The following CCDC106 variants were observed in gnomAD, a reference collection of about 807,000 sequenced individuals.
CCDC106 encodes coiled-coil domain containing 106, also known as coiled-coil domain-containing protein 106.
In CCDC106, 17 loss-of-function variants were observed where a neutral mutation model predicts 24.7. That is an observed-to-expected ratio of 0.69 (90% confidence interval 0.47 to 1.03). The LOEUF (loss-of-function observed/expected upper bound fraction) is 1.03, where lower values mean the gene tolerates loss of function less well. Ranked by LOEUF, CCDC106 falls within the 50% of genes least tolerant of loss-of-function variation. The pLI, the probability that CCDC106 is intolerant of heterozygous loss-of-function variation, is 0.00. For synonymous variants in CCDC106, 211 were observed against 161.3 expected (o/e 1.31, Z -2.34); for missense variants, 337 against 388.9 (o/e 0.87, Z 1.12).
intron 3 of CCDC106, among the ~76,000 whole-genome samples, chr19:55,649,924 G>A (rs1307331163): frequency 6.6e-6 from 1 of 152,082 alleles, no homozygotes; most frequent in African/African-American, 2.4e-5. Flanking sequence ...ACTCCTAGGG[G>A]GACCTTCCTT....
chr19:55,649,357 CCCTGAGTCCCAGGGTG>C, intron 2 of CCDC106, 35 bp from the exon 3 acceptor site: 1 of 1,612,718 alleles, frequency 6.2e-7, no homozygotes, highest in Non-Finnish European at 8.5e-7. Flanking sequence ...GGAAGCCAAG[CCCTGAGTCCCAGGGTG>C]TGACCTGGTC....
Position 55,651,513 on chromosome 19 carries a change from G to A in CCDC106, c.526+18G>A, listed in dbSNP as rs1405703052. 1 of 1,522,860 alleles carries A rather than the reference G, an allele frequency of 6.6e-7. No homozygotes were observed. The highest frequency in any genetic ancestry group is 1.3e-5 in the South Asian group (1 of 79,874). 94.3% of individuals were successfully genotyped at this position (1,522,860 alleles called of 1,614,324 possible). A position where few individuals can be genotyped will look rare whatever the true frequency, so the allele number is the denominator to read the frequency against. The stretch of plus-strand genomic sequence containing the variant: ...GCAGCGAGGTGAGTGGGGTGCATGG[G>A]GCGGGCGCTGAGGGGCCCGGGCTGC... On this transcript the variant is annotated intron_variant, in intron 4 of 4. Coordinates refer to ENST00000586790, the MANE Select transcript of CCDC106 (RefSeq NM_001370470.1).
Position 55,651,474 on chromosome 19 carries a change from A to G in CCDC106, c.505A>G (p.Lys169Glu). The G allele has an allele frequency of 6.3e-7, 1 of 1,587,112 alleles. No individual in the cohort carries two copies. Among genetic ancestry groups the G allele is most frequent in the Non-Finnish European group, 8.6e-7 (1 of 1,167,880 alleles). The change falls in exon 4 of 5, where the codon AAG (lysine) becomes GAG (glutamate). Residue 169 changes from lysine (K) to glutamate (E), a missense_variant. Lys to Glu is a moderately conservative substitution (Grantham distance 56). This residue lies in a region of CCDC106 where 234 missense variants were observed against 236.5 expected (regional missense o/e 0.99). Transcript: ENST00000586790. ...TAGTCGGAGGCGCTTTGGGAAGCCC[A>G]AGGCCCGGGAGAGGCAGCGAGGTGA... ...GASRRRFGKP[K>E]ARERQRVKDA...
Position 55,651,473 on chromosome 19 carries a change from C to A in CCDC106, c.504C>A (p.Pro168=), listed in dbSNP as rs1414237659. Residue 168 remains proline, a synonymous_variant, in exon 4 of 5, where the codon CCC becomes CCA. Coordinates refer to ENST00000586790, the MANE Select transcript of CCDC106 (RefSeq NM_001370470.1). The part of the protein sequence containing the change: ...GGASRRRFGK[P]KARERQRVKD... Reference sequence around the variant, plus strand: ...CTAGTCGGAGGCGCTTTGGGAAGCCCAAGGCCCGGGAGAGGCAGCGAGGTG... The same window carrying A: ...CTAGTCGGAGGCGCTTTGGGAAGCCAAAGGCCCGGGAGAGGCAGCGAGGTG... 11 of 1,588,036 alleles carry A rather than the reference C, an allele frequency of 6.9e-6. No individual in the cohort carries two copies. Among genetic ancestry groups the A allele is most frequent in the African/African-American group, 1.3e-5 (1 of 74,626 alleles).
chr19:55,650,838 G>A (rs1983205693), intron 3 of CCDC106, among the ~76,000 whole-genome samples: 1 of 152,150 alleles, frequency 6.6e-6, no homozygotes, highest in East Asian at 1.9e-4. Flanking sequence ...CCTCTGTCTA[G>A]ATGGAGGTGG....
Position 55,652,299 on chromosome 19 carries a change from T to A in CCDC106, c.527-131T>A. ...CCCCTTCCTTGCCTGTTGTTCTCCG[T>A]CTCCACCTGCACCGGCCCGTGCCTC... On this transcript the variant is annotated intron_variant, in intron 4 of 4. Coordinates refer to ENST00000586790, the MANE Select transcript of CCDC106 (RefSeq NM_001370470.1). The surrounding 1 kb of genome is among the most constrained non-coding windows in gnomAD (Gnocchi z 5.9). 1.4e-6 allele frequency: 1 copy of A among 723,270 alleles called. No individual in the cohort carries two copies. The highest frequency in any genetic ancestry group is 2.8e-5 in the Admixed American group (1 of 35,284). 44.8% of individuals were successfully genotyped at this position (723,270 alleles called of 1,614,324 possible). A position where few individuals can be genotyped will look rare whatever the true frequency, so the allele number is the denominator to read the frequency against.
In CCDC106 at chr19:55,652,409, G is replaced by C. The variant is rs564748925; in HGVS notation, c.527-21G>C. 6.4e-7 allele frequency: 1 copy of C among 1,570,578 alleles called. No homozygotes were observed. Among genetic ancestry groups the C allele is most frequent in the East Asian group, 2.3e-5 (1 of 44,094 alleles). ...CTTGTGCCCTGCCCCTCACTTTCGT[G>C]TCCCCGCCTCCACCCCTCAGTGAAG... On this transcript the variant is annotated intron_variant, in intron 4 of 4. Transcript: ENST00000586790. This position sits in a 1 kb window ranked among gnomAD's most constrained non-coding sequence, Gnocchi z 5.9.
rs774347285 is a variant in CCDC106 at position 55,652,390 on chromosome 19, C to G, written c.527-40C>G. On this transcript the variant is annotated intron_variant, in intron 4 of 4. Coordinates refer to ENST00000586790, the MANE Select transcript of CCDC106 (RefSeq NM_001370470.1). The surrounding 1 kb of genome is among the most constrained non-coding windows in gnomAD (Gnocchi z 5.9). The stretch of plus-strand genomic sequence containing the variant: ...CCGTGTCCGCCCCCTCAGTCTTGTG[C>G]CCTGCCCCTCACTTTCGTGTCCCCG... The G allele has an allele frequency of 2.6e-6, 4 of 1,540,406 alleles. No homozygotes were observed. In the African/African-American group the frequency reaches 4.1e-5, roughly 16 times the overall value.
rs1983040856 is a variant in CCDC106, at chr19:55,648,853, G to T, written c.-194G>T. The T allele has an allele frequency of 1.5e-6, 1 of 653,744 alleles. No individual in the cohort carries two copies. 40.5% of individuals were successfully genotyped at this position (653,744 alleles called of 1,614,324 possible). A position where few individuals can be genotyped will look rare whatever the true frequency, so the allele number is the denominator to read the frequency against. Reference sequence around the variant, plus strand: ...GCCCAGGAGTTTGAAGCCCAGGCGCGTTTTGCCTCAGTCCTGGGGTCCAGG... The same window carrying T: ...GCCCAGGAGTTTGAAGCCCAGGCGCTTTTTGCCTCAGTCCTGGGGTCCAGG... On this transcript the variant is annotated 5_prime_UTR_variant, in exon 1 of 5. Transcript: ENST00000586790.
intron 2 of CCDC106, 28 bp from the exon 3 acceptor site, chr19:55,649,380 G>T (rs1253321131): frequency 2.5e-6 from 4 of 1,613,310 alleles, no homozygotes; most frequent in Non-Finnish European, 3.4e-6. Context: ...GGTGTGACCT[G>T]GTCCCCCCAC....
chr19:55,651,204 A>T (rs965251893), intron 3 of CCDC106, 79 bp from the exon 4 acceptor site: 6 of 1,107,490 alleles, frequency 5.4e-6, no homozygotes, highest in Non-Finnish European at 8.3e-6. Flanking sequence ...CAGTTCGGGG[A>T]CTGCAGCCTC....
upstream of CCDC106, among the ~76,000 whole-genome samples, chr19:55,647,624 T>A (rs980008449): frequency 1.3e-5 from 2 of 152,210 alleles, no homozygotes; most frequent in African/African-American, 4.8e-5. Flanking sequence ...GACTGGAATC[T>A]AGCTTTGCTC....
In CCDC106 at chr19:55,648,583, C is replaced by T. The variant is rs1418606585; in HGVS notation, c.-464C>T. Reference sequence around the variant, plus strand: ...AGGCAGCGCGCACGGGCTGGACCTCCTCCTACCCTGGGAAGTTGGGGCAGT... The same window carrying T: ...AGGCAGCGCGCACGGGCTGGACCTCTTCCTACCCTGGGAAGTTGGGGCAGT... On this transcript the variant is annotated 5_prime_UTR_variant, in exon 1 of 5. Coordinates refer to ENST00000586790, the MANE Select transcript of CCDC106 (RefSeq NM_001370470.1). 4 of 184,304 alleles carry T rather than the reference C, an allele frequency of 2.2e-5. No homozygotes were observed. Among genetic ancestry groups the T allele is most frequent in the African/African-American group, 2.4e-5 (1 of 42,080 alleles). The allele number at this position is 184,304 out of a possible 1,614,324, so 11.4% of individuals were successfully genotyped here.
At position 55,649,043 on chromosome 19, in the gene CCDC106, C is replaced by A. The variant is rs377380430; in HGVS notation, c.-4C>A. ...GGCTGCTGGGGTCCGTAGGAAGCCG[C>A]GCCATGAATGACCGGAGCAGTCGGA... On this transcript the variant is annotated 5_prime_UTR_variant, in exon 1 of 5. Transcript: ENST00000586790. The A allele has an allele frequency of 2.5e-6, 4 of 1,613,148 alleles. No individual in the cohort carries two copies. The highest frequency in any genetic ancestry group is 3.4e-6 in the Non-Finnish European group (4 of 1,179,990).
chr19:55,652,635 C>G lies in CCDC106; in HGVS notation c.732C>G (p.Leu244=), dbSNP rs748274890. ...GEFDPSKERL[L]EYSRRCFLAL... Reference sequence around the variant, plus strand: ...TCGACCCCTCCAAGGAGCGCCTGCTCGAGTACTCCCGCCGCTGCTTTCTGG... The same window carrying G: ...TCGACCCCTCCAAGGAGCGCCTGCTGGAGTACTCCCGCCGCTGCTTTCTGG... The change falls in exon 5 of 5, where the codon CTC becomes CTG. Residue 244 remains leucine (L), a synonymous_variant. Coordinates refer to ENST00000586790, the MANE Select transcript of CCDC106 (RefSeq NM_001370470.1). This position sits in a 1 kb window ranked among gnomAD's most constrained non-coding sequence, Gnocchi z 5.9. The G allele has an allele frequency of 3.7e-6, 6 of 1,612,676 alleles. No homozygotes were observed. Among genetic ancestry groups the G allele is most frequent in the Middle Eastern group, 3.3e-4 (2 of 6,084 alleles).
intron 3 of CCDC106, 79 bp from the exon 4 acceptor site, chr19:55,651,203 GA>G (rs1983236333): frequency 1.8e-6 from 2 of 1,107,502 alleles, no homozygotes; most frequent in East Asian, 4.7e-5. Context: ...CCAGTTCGGG[GA>G]CTGCAGCCTC....
chr19:55,652,129 G>C lies in CCDC106; in HGVS notation c.527-301G>C, dbSNP rs535941107. Among the ~76,000 whole-genome samples the C allele has an allele frequency of 8.5e-5, 13 of 152,154 alleles. No individual in the cohort carries two copies. The highest frequency in any genetic ancestry group is 2.4e-4 in the African/African-American group (10 of 41,498). ...CTGAGGCAGGGAGACGAGGGTGATG[G>C]CTCGGGGTGTCGGGGGGTGCTGGGA... is the stretch of plus-strand genomic sequence containing the variant. On this transcript the variant is annotated intron_variant, in intron 4 of 4. Transcript: ENST00000586790. The surrounding 1 kb of genome is among the most constrained non-coding windows in gnomAD (Gnocchi z 5.9).
At chr19:55,651,598 C>G (rs548368395) in intron 4 of CCDC106, 103 bp downstream of exon 4, 6 of 798,276 alleles carry the variant, frequency 7.5e-6, no homozygotes, top group Non-Finnish European at 9.9e-6. Flanking sequence ...TCCAGCCTTG[C>G]TGGAGAAAGA....
At chr19:55,647,511 C>T (rs1451427643), upstream of CCDC106, among the ~76,000 whole-genome samples, 2 of 152,224 alleles carry the variant, frequency 1.3e-5, no homozygotes, top group African/African-American at 2.4e-5. Context: ...GGCTGAGCTT[C>T]TGTGTGTCGC....
Sources: gnomAD v4.1 joint callset for allele counts (sites outside exome capture counted in the v4.1 genomes callset) on GRCh38, gnomAD v4.1.1 for gene constraint, gnomAD v4.1.1 regional missense constraint, Gnocchi (gnomAD v3.1) non-coding constraint, MANE v1.5 for transcripts, NCBI Gene and HGNC (gene_info 2026-07-23, HGNC 2026-07-21) for gene names.